HTT: variants seen among roughly 807,000 people sequenced by gnomAD.
HTT encodes the protein huntington disease protein.
HTT carries 104 observed loss-of-function variants against 362.3 expected under a neutral mutation model. The observed-to-expected ratio is 0.29, with a 90% CI of 0.24 to 0.34. HTT has a LOEUF of 0.34. HTT is among the 10% of genes least tolerant of loss of function. HTT has a pLI of 1.00. For missense variants in HTT, 3,301 were observed against 3,928.6 expected, an observed-to-expected ratio of 0.84 and a Z score of 4.27; for synonymous variants, 1,577 against 1,548.7, an observed-to-expected ratio of 1.02 and a Z score of -0.43.
At chr4:3,140,416 G>C (rs1716287254) in intron 21 of HTT, 94 bp from the exon 22 acceptor site, 2 of 1,033,414 alleles carry the variant, frequency 1.9e-6, no homozygotes, top group African/African-American at 1.6e-5. Context: ...GGTAACCAGA[G>C]GTGTTGGCTT....
Position 3,142,848 on chromosome 4 carries a change from T to G in HTT, c.3028T>G (p.Ser1010Ala). The G allele has an allele frequency of 6.2e-7, 1 of 1,611,470 alleles. No individual in the cohort carries two copies. The highest frequency in any genetic ancestry group is 8.5e-7 in the Non-Finnish European group (1 of 1,177,688). Residue 1010 changes from serine (S) to alanine (A), a missense_variant, in exon 23 of 67, where the codon TCT (serine) becomes GCT (alanine). Ser to Ala is a moderately conservative substitution (Grantham distance 99). Around this residue, in one of 4 missense-constraint regions of HTT, gnomAD observed 2,316 missense variants for 2,658.5 expected, o/e 0.87. Coordinates refer to ENST00000355072, the MANE Select transcript of HTT (RefSeq NM_001388492.1). Reference sequence around the variant, plus strand: ...CCTTTCAAGAGTTATTGCAGCAGTTTCTCATGAACTAATCACATCAACCAC... The same window carrying G: ...CCTTTCAAGAGTTATTGCAGCAGTTGCTCATGAACTAATCACATCAACCAC... ...NNLSRVIAAV[S>A]HELITSTTRA... is the part of the protein sequence containing the mutation.
intron 51 of HTT, among the ~76,000 whole-genome samples, chr4:3,216,420 G>C (rs1259771654): frequency 6.6e-6 from 1 of 152,210 alleles, no homozygotes; most frequent in Non-Finnish European, 1.5e-5. Context: ...TCTGTGGTGA[G>C]GATAAGAATA....
intron 6 of HTT, among the ~76,000 whole-genome samples, chr4:3,108,652 CTT>C (rs1433003524): frequency 1.3e-5 from 2 of 152,188 alleles, no homozygotes; most frequent in Non-Finnish European, 2.9e-5. Context: ...GATGCTAACA[CTT>C]TGTTGAACGT....
intron 37 of HTT, 81 bp from the exon 38 acceptor site, chr4:3,186,516 C>T: frequency 1.3e-6 from 2 of 1,499,622 alleles, no homozygotes; most frequent in Non-Finnish European, 1.8e-6. Flanking sequence ...ATGATTTGCC[C>T]TTGAGTTACA....
rs2298968 is a variant in HTT at position 3,184,267 on chromosome 4, G to A, written c.4866+1797G>A. 1.1e-3 allele frequency among the ~76,000 whole-genome samples: 167 copies of A among 152,148 alleles called. 2 individuals are homozygous for A. In the East Asian group the frequency reaches 0.022, roughly 20 times the overall value. ...CAAATAGCAGTGCAAAGGCCCTGGC[G>A]GGGGGCGGACATGCTGTTAGGGTAC... is the stretch of plus-strand genomic sequence containing the variant. On this transcript the variant is annotated intron_variant, in intron 37 of 66. Transcript: ENST00000355072.
chr4:3,105,934 A>T (rs192207388), intron 5 of HTT, among the ~76,000 whole-genome samples: 8 of 152,356 alleles, frequency 5.3e-5, no homozygotes, highest in Admixed American at 5.2e-4. Flanking sequence ...AAACAAAAGC[A>T]GGACCACTTT....
In HTT at chr4:3,187,670, A is replaced by G. The variant is rs1258498339; in HGVS notation, c.5009A>G (p.Gln1670Arg). 5.0e-6 allele frequency: 8 copies of G among 1,613,760 alleles called. No homozygotes were observed. The highest frequency in any genetic ancestry group is 1.3e-5 in the African/African-American group (1 of 74,894). ...TTTTAGGCGTCCGTGAGCACTGTTC[A>G]ACTGTGGATATCGGGAATTCTGGCC... ...PNTMASVSTV[Q>R]LWISGILAIL... The change falls in exon 39 of 67, where the codon CAA becomes CGA. Residue 1670 changes from glutamine (Q) to arginine (R), a missense_variant. Physicochemically the swap from Gln to Arg is conservative, Grantham distance 43. Transcript: ENST00000355072.
chr4:3,099,284 G>C lies in HTT; in HGVS notation c.358G>C (p.Glu120Gln). ...IVAQSVRNSP[E>Q]FQKLLGIAME... ...TCTTTTTTTGCTTAGAAATTCTCCAGAATTTCAGAAACTTCTGGGCATCGC... is the reference window on the plus strand; with the variant it reads ...TCTTTTTTTGCTTAGAAATTCTCCACAATTTCAGAAACTTCTGGGCATCGC... The change falls in exon 3 of 67, where the codon GAA becomes CAA. Residue 120 changes from glutamate to glutamine, a missense_variant. By Grantham distance (29) the Glu-to-Gln change is conservative. This residue lies in a region of HTT where 2,316 missense variants were observed against 2,658.5 expected (regional missense o/e 0.87). Transcript: ENST00000355072. 6.2e-7 allele frequency: 1 copy of C among 1,613,164 alleles called. No individual in the cohort carries two copies. The highest frequency in any genetic ancestry group is 8.5e-7 in the Non-Finnish European group (1 of 1,179,322).
At chr4:3,222,139 T>C (rs977134435) in intron 53 of HTT, among the ~76,000 whole-genome samples, 2 of 152,250 alleles carry the variant, frequency 1.3e-5, no homozygotes, top group Admixed American at 6.5e-5. Flanking sequence ...CAGGGCCGAC[T>C]TGGGCCTGTG....
chr4:3,239,816 G>A lies in HTT; in HGVS notation c.9216-30G>A. On this transcript the variant is annotated intron_variant, in intron 66 of 66. Coordinates refer to ENST00000355072, the MANE Select transcript of HTT (RefSeq NM_001388492.1). ...CAGGGAGGCAGCATTCCCCTCATTT[G>A]CCGGCCTTTTTCCTTAACTCCTGCA... The A allele has an allele frequency of 3.3e-6, 5 of 1,518,424 alleles. No individual in the cohort carries two copies. In the South Asian group the frequency reaches 6.0e-5, roughly 18 times the overall value. The allele number at this position is 1,518,424 out of a possible 1,614,324, so 94.1% of individuals were successfully genotyped here.
At chr4:3,089,259 CT>C (rs896224738) in intron 2 of HTT, among the ~76,000 whole-genome samples, 65 of 146,566 alleles carry the variant, frequency 4.4e-4, no homozygotes, top group Admixed American at 4.8e-4. Context: ...GTTATCTTTA[CT>C]TTTTTTTTTT....
At chr4:3,223,639 C>T (rs1249446411) in intron 55 of HTT, 79 bp downstream of exon 55, 1 of 1,308,036 alleles carries the variant, frequency 7.6e-7, no homozygotes, top group Non-Finnish European at 1.1e-6. Flanking sequence ...CGTCCAGCAG[C>T]TTCAACCAGG....
intron 1 of HTT, among the ~76,000 whole-genome samples, chr4:3,083,633 A>G (rs1713045588): frequency 6.6e-6 from 1 of 151,832 alleles, no homozygotes; most frequent in Non-Finnish European, 1.5e-5. Context: ...CACTTTGACA[A>G]TACCACATGC....
intron 39 of HTT, chr4:3,188,725 C>G (rs1718882018): frequency 1.6e-5 from 8 of 489,720 alleles, no homozygotes; most frequent in Non-Finnish European, 1.8e-5. Flanking sequence ...GTTCACAAAG[C>G]TTAAAAAAAT....
At chr4:3,189,474 A>G (rs1335490291) in intron 40 of HTT, among the ~76,000 whole-genome samples, 1 of 152,356 alleles carries the variant, frequency 6.6e-6, no homozygotes, top group African/African-American at 2.4e-5. Context: ...CACATGCTAC[A>G]ACATGGGTGA....
intron 6 of HTT, among the ~76,000 whole-genome samples, 166 bp from the exon 7 acceptor site, chr4:3,115,136 CTT>C (rs1714953567): frequency 6.6e-6 from 1 of 152,146 alleles, no homozygotes; most frequent in African/African-American, 2.4e-5. Context: ...GTAAACTGCT[CTT>C]GAGTGTCCCA....
intron 1 of HTT, among the ~76,000 whole-genome samples, chr4:3,083,523 C>G (rs1156631702): frequency 1.2e-5 from 1 of 80,034 alleles, no homozygotes; most frequent in East Asian, 3.7e-4. Context: ...GACCCTGTCT[C>G]TAAATATACA....
chr4:3,205,900 C>T (rs982787194), intron 42 of HTT, among the ~76,000 whole-genome samples: 7 of 152,268 alleles, frequency 4.6e-5, no homozygotes, highest in African/African-American at 1.7e-4. Context: ...AAAGGCTCTG[C>T]ATGTTTAAAA....
chr4:3,216,700 C>T (rs935755347), intron 51 of HTT, among the ~76,000 whole-genome samples: 2 of 151,974 alleles, frequency 1.3e-5, no homozygotes, highest in East Asian at 1.9e-4. Flanking sequence ...TTAATCACCT[C>T]GATAGGACGT....
Sources: gnomAD v4.1 joint callset for allele counts (sites outside exome capture counted in the v4.1 genomes callset) on GRCh38, gnomAD v4.1.1 for gene constraint, gnomAD v4.1.1 regional missense constraint, MANE v1.5 for transcripts, NCBI Gene and HGNC (gene_info 2026-07-23, HGNC 2026-07-21) for gene names.